CYRIB: variants seen among roughly 807,000 people sequenced by gnomAD.
The protein encoded by CYRIB is CYFIP-related Rac1 interactor B.
Under a neutral mutation model 44.2 loss-of-function variants are expected in CYRIB, and 8 were observed. The ratio of observed to expected loss-of-function variants is 0.18; its 90% CI spans 0.11 to 0.33. The LOEUF (loss-of-function observed/expected upper bound fraction) is 0.33. Among genes scored for constraint, CYRIB ranks in the 10% least tolerant of loss-of-function variants. The probability of loss-of-function intolerance (pLI) is 1.00; values close to 1 mark genes in which losing one functional copy is unlikely to be tolerated. For missense variants in CYRIB, 185 were observed against 382.8 expected (o/e 0.48, Z 4.31); for synonymous variants, 131 against 127.2 (o/e 1.03, Z -0.20).
chr8:129,859,106 G>A (rs1420714425), intron 5 of CYRIB, among the ~76,000 whole-genome samples: 1 of 152,176 alleles, frequency 6.6e-6, no homozygotes, highest in Non-Finnish European at 1.5e-5. Flanking sequence ...AAGACGAAGG[G>A]GCAGGATAAG....
At chr8:129,887,602 T>C (rs1263742350) in intron 2 of CYRIB, among the ~76,000 whole-genome samples, 2 of 152,144 alleles carry the variant, frequency 1.3e-5, no homozygotes, top group African/African-American at 4.8e-5. Flanking sequence ...CCACACTCAA[T>C]GCCAGCCCTT....
intron 4 of CYRIB, among the ~76,000 whole-genome samples, chr8:129,869,590 AC>A (rs1302964830): frequency 6.6e-6 from 1 of 152,136 alleles, no homozygotes; most frequent in Non-Finnish European, 1.5e-5. Flanking sequence ...TAAATCTTTC[AC>A]TTCCACAAAT....
chr8:129,950,011 A>G (rs2131284365), intron 2 of CYRIB, among the ~76,000 whole-genome samples: 1 of 152,364 alleles, frequency 6.6e-6, no homozygotes, highest in Middle Eastern at 3.4e-3. Context: ...GGCTATAAAA[A>G]GCAACAATTA....
chr8:129,945,163 A>G (rs958850513), intron 2 of CYRIB, among the ~76,000 whole-genome samples: 1 of 152,240 alleles, frequency 6.6e-6, no homozygotes, highest in African/African-American at 2.4e-5. Flanking sequence ...ATGCGGAACT[A>G]TGGAAAAGAA....
At chr8:129,985,444 C>T (rs764860144) in intron 1 of CYRIB, among the ~76,000 whole-genome samples, 14 of 152,308 alleles carry the variant, frequency 9.2e-5, no homozygotes, top group Non-Finnish European at 1.5e-4. Context: ...CACTGCCTCT[C>T]GCTTGCCCAA....
intron 1 of CYRIB, among the ~76,000 whole-genome samples, chr8:129,999,333 C>T (rs142841502): frequency 3.9e-5 from 6 of 152,316 alleles, no homozygotes; most frequent in Non-Finnish European, 8.8e-5. Flanking sequence ...AGGCCCGTCT[C>T]GGGATCCCTG....
chr8:129,953,204 T>C (rs2094593330), intron 2 of CYRIB, among the ~76,000 whole-genome samples: 1 of 152,162 alleles, frequency 6.6e-6, no homozygotes, highest in Non-Finnish European at 1.5e-5. Flanking sequence ...ATGACACGGA[T>C]GATATATCCT....
At chr8:129,921,689 C>A (rs989841404) in intron 1 of CYRIB, among the ~76,000 whole-genome samples, 3 of 152,064 alleles carry the variant, frequency 2.0e-5, no homozygotes, top group African/African-American at 7.2e-5. Flanking sequence ...ACATTATATG[C>A]CTGATGATGT....
chr8:129,924,182 T>C (rs1459389709), intron 1 of CYRIB, among the ~76,000 whole-genome samples: 1 of 143,592 alleles, frequency 7.0e-6, no homozygotes, highest in African/African-American at 2.6e-5. Context: ...GAGGCTGAGA[T>C]GGGAGGACTG....
intron 2 of CYRIB, among the ~76,000 whole-genome samples, chr8:129,893,241 C>G (rs985783161): frequency 2.0e-5 from 3 of 152,300 alleles, no homozygotes; most frequent in African/African-American, 7.2e-5. Flanking sequence ...TTTACAGTAT[C>G]AGTGGTGGTA....
chr8:130,014,070 T>C (rs1174107006), intron 1 of CYRIB, among the ~76,000 whole-genome samples: 1 of 152,134 alleles, frequency 6.6e-6, no homozygotes, highest in Non-Finnish European at 1.5e-5. Context: ...TCCTGCACTC[T>C]CTCTAAGTCT....
chr8:129,906,138 C>T (rs1391081470), intron 1 of CYRIB, among the ~76,000 whole-genome samples: 12 of 152,040 alleles, frequency 7.9e-5, no homozygotes, highest in Non-Finnish European at 1.3e-4. Context: ...GAGCCCGCAT[C>T]ACCAAGTCAA....
intron 6 of CYRIB, among the ~76,000 whole-genome samples, chr8:129,854,934 T>C (rs2045381739): frequency 6.6e-6 from 1 of 151,412 alleles, no homozygotes. Context: ...TATTTATAGT[T>C]CCAAACACTA....
chr8:129,859,409 C>T (rs1038008653), intron 5 of CYRIB, among the ~76,000 whole-genome samples: 2 of 151,352 alleles, frequency 1.3e-5, no homozygotes, highest in Non-Finnish European at 2.9e-5. Flanking sequence ...TGCAGGTGGG[C>T]CTGACTAATG....
At chr8:129,954,286 C>G (rs113253814) in intron 2 of CYRIB, among the ~76,000 whole-genome samples, 24,908 of 151,968 alleles carry the variant, frequency 0.16, 3,100 homozygotes, top group African/African-American at 0.35. Context: ...GCAATGGTAT[C>G]ATCTTAGCTC....
intron 1 of CYRIB, among the ~76,000 whole-genome samples, chr8:129,937,110 T>G (rs1383199661): frequency 2.6e-5 from 4 of 152,326 alleles, no homozygotes; most frequent in Admixed American, 6.5e-5. Context: ...GCTGTTACAG[T>G]CTAAGATTCT....
chr8:130,009,724 G>T (rs1287008097), intron 1 of CYRIB, among the ~76,000 whole-genome samples: 4 of 152,354 alleles, frequency 2.6e-5, no homozygotes, highest in African/African-American at 9.6e-5. Flanking sequence ...GACTATGCTA[G>T]ATGCTTTGAT....
At chr8:129,992,925 A>T (rs2096672415) in intron 1 of CYRIB, among the ~76,000 whole-genome samples, 1 of 152,216 alleles carries the variant, frequency 6.6e-6, no homozygotes, top group Non-Finnish European at 1.5e-5. Context: ...GAAGAAAGGA[A>T]TACACGGCAA....
chr8:129,969,304 G>A (rs1443282930), intron 2 of CYRIB, among the ~76,000 whole-genome samples: 1 of 152,132 alleles, frequency 6.6e-6, no homozygotes, highest in Non-Finnish European at 1.5e-5. Flanking sequence ...GTGAGCCACC[G>A]CGGCCGGCCT....
Sources: gnomAD v4.1 joint callset for allele counts (sites outside exome capture counted in the v4.1 genomes callset) on GRCh38, gnomAD v4.1.1 for gene constraint, MANE v1.5 for transcripts, NCBI Gene and HGNC (gene_info 2026-07-23, HGNC 2026-07-21) for gene names.